Variants in SORCS2 observed in about 807,000 individuals in gnomAD.
The protein encoded by SORCS2 is sortilin related VPS10 domain containing receptor 2.
SORCS2 carries 100 observed loss-of-function variants against 141.6 expected under a neutral mutation model. That is an observed-to-expected ratio of 0.71 (90% confidence interval 0.60 to 0.83). SORCS2 has a LOEUF of 0.83. SORCS2 is among the 40% of genes least tolerant of loss of function. SORCS2 has a pLI of 0.00. For missense variants in SORCS2, 1,646 were observed against 1,560.2 expected, an observed-to-expected ratio of 1.05 and a Z score of -0.93; for synonymous variants, 789 against 676.9, an observed-to-expected ratio of 1.17 and a Z score of -2.57.
chr4:7,481,804 T>C (rs1577636366), intron 2 of SORCS2, among the ~76,000 whole-genome samples: 1 of 152,014 alleles, frequency 6.6e-6, no homozygotes, highest in East Asian at 1.9e-4. Context: ...CAGAGGAGGG[T>C]GTGCCCAGCA....
At chr4:7,407,374 T>C (rs541991656) in intron 2 of SORCS2, among the ~76,000 whole-genome samples, 85 of 152,264 alleles carry the variant, frequency 5.6e-4, no homozygotes, top group Non-Finnish European at 8.8e-4. Context: ...GTTGAGGGCA[T>C]AGGTATTTAG....
chr4:7,304,056 C>T (rs1212234298), intron 1 of SORCS2, among the ~76,000 whole-genome samples: 1 of 152,268 alleles, frequency 6.6e-6, no homozygotes, highest in Non-Finnish European at 1.5e-5. Flanking sequence ...AGTTTCTTTT[C>T]CACACCTTCA....
chr4:7,646,978 C>T (rs1721124343), intron 4 of SORCS2, among the ~76,000 whole-genome samples: 1 of 152,080 alleles, frequency 6.6e-6, no homozygotes, highest in African/African-American at 2.4e-5. Flanking sequence ...GGGAACAGGG[C>T]CCAGGGCAAC....
chr4:7,447,674 C>T (rs73212536), intron 2 of SORCS2, among the ~76,000 whole-genome samples: 22,510 of 152,150 alleles, frequency 0.15, 1,950 homozygotes, highest in East Asian at 0.33. Context: ...CGGGGGTCCT[C>T]CAGGCTCAGC....
chr4:7,532,410 C>A (rs1314278992), intron 3 of SORCS2, among the ~76,000 whole-genome samples: 2 of 152,226 alleles, frequency 1.3e-5, no homozygotes, highest in African/African-American at 2.4e-5. Flanking sequence ...TAGGATCAGG[C>A]ACCCAGAGCC....
At chr4:7,592,005 T>C (rs12509603) in intron 3 of SORCS2, among the ~76,000 whole-genome samples, 42,989 of 151,466 alleles carry the variant, frequency 0.28, 6,529 homozygotes, top group Middle Eastern at 0.36. Flanking sequence ...AAAAAAAAAA[T>C]CCCCCTTTAA....
chr4:7,651,718 C>T (rs116362672), intron 4 of SORCS2, among the ~76,000 whole-genome samples: 2,134 of 152,302 alleles, frequency 0.014, 19 homozygotes, highest in Non-Finnish European at 0.021. Flanking sequence ...TTTCCCTCCG[C>T]ACCCTCCCCC....
chr4:7,572,097 G>A (rs557638233), intron 3 of SORCS2, among the ~76,000 whole-genome samples: 6 of 152,294 alleles, frequency 3.9e-5, no homozygotes, highest in Non-Finnish European at 4.4e-5. Flanking sequence ...CTCATGCTCC[G>A]TGAAATTCAA....
At chr4:7,284,737 A>G (rs755248966) in intron 1 of SORCS2, among the ~76,000 whole-genome samples, 6 of 152,132 alleles carry the variant, frequency 3.9e-5, no homozygotes, top group Non-Finnish European at 7.3e-5. Flanking sequence ...CACCATAACA[A>G]ATTGCTACAA....
At chr4:7,350,081 C>A (rs1036914959) in intron 1 of SORCS2, among the ~76,000 whole-genome samples, 21 of 152,186 alleles carry the variant, frequency 1.4e-4, no homozygotes, top group Non-Finnish European at 2.9e-4. Context: ...TAGCCAAAGT[C>A]TGGCGAAAAG....
intron 2 of SORCS2, among the ~76,000 whole-genome samples, chr4:7,435,757 G>A (rs1162312181): frequency 1.3e-5 from 2 of 152,256 alleles, no homozygotes; most frequent in Admixed American, 6.5e-5. Context: ...AGGCAAGAGA[G>A]TCAGCTGGGT....
At chr4:7,629,169 G>A (rs920794117) in intron 3 of SORCS2, among the ~76,000 whole-genome samples, 12 of 152,090 alleles carry the variant, frequency 7.9e-5, no homozygotes, top group South Asian at 2.1e-4. Flanking sequence ...GTTGTGTGTC[G>A]TATGTATGTA....
rs541540715 is a variant in SORCS2, at chr4:7,330,410, CCT to C, written c.481-65873_481-65872del. ...CAGCTGTGCCCAAAGGTGCCTGCGC[CCT>C]CTCTGGAGGATGAGTCTGGTTGAGC... is the stretch of plus-strand genomic sequence containing the variant. On this transcript the variant is annotated intron_variant, in intron 1 of 26. Transcript: ENST00000507866. 1.2e-4 allele frequency among the ~76,000 whole-genome samples: 19 copies of C among 152,004 alleles called. No individual in the cohort carries two copies. In the South Asian group the frequency reaches 2.1e-3, roughly 17 times the overall value.
chr4:7,631,852 T>G (rs948578915), intron 3 of SORCS2, among the ~76,000 whole-genome samples: 9 of 151,774 alleles, frequency 5.9e-5, no homozygotes, highest in African/African-American at 2.2e-4. Flanking sequence ...TGCAGACTTC[T>G]GGAAGCCATT....
chr4:7,647,937 G>C (rs1055107611), intron 4 of SORCS2, among the ~76,000 whole-genome samples: 4 of 152,266 alleles, frequency 2.6e-5, no homozygotes, highest in African/African-American at 9.6e-5. Flanking sequence ...CTAATTGGCA[G>C]CTTGAGCATC....
intron 1 of SORCS2, among the ~76,000 whole-genome samples, chr4:7,230,933 A>G (rs558121935): frequency 2.0e-5 from 3 of 152,364 alleles, no homozygotes; most frequent in African/African-American, 4.8e-5. Context: ...CACCCAGTGC[A>G]TTGGTCAGGG....
intron 1 of SORCS2, among the ~76,000 whole-genome samples, chr4:7,297,892 G>C (rs780034727): frequency 4.5e-4 from 68 of 152,224 alleles, no homozygotes; most frequent in Non-Finnish European, 9.3e-4. Context: ...CTCTGGCTGT[G>C]ACTCTCTGCA....
At chr4:7,489,024 C>T (rs1314785899) in intron 2 of SORCS2, among the ~76,000 whole-genome samples, 1 of 152,212 alleles carries the variant, frequency 6.6e-6, no homozygotes, top group Non-Finnish European at 1.5e-5. Context: ...AGGAGCACCT[C>T]CTATATGGTC....
chr4:7,505,756 T>C (rs1232195235), intron 2 of SORCS2, among the ~76,000 whole-genome samples: 1 of 151,988 alleles, frequency 6.6e-6, no homozygotes, highest in African/African-American at 2.4e-5. Flanking sequence ...GCCTGGCCCT[T>C]CCTCTTCCTG....
Sources: allele counts gnomAD v4.1 joint callset (sites outside exome capture counted in the v4.1 genomes callset), GRCh38; gene constraint gnomAD v4.1.1; transcripts MANE v1.5; gene names NCBI Gene and HGNC (gene_info 2026-07-23, HGNC 2026-07-21).